OPCML: variants seen among roughly 807,000 people sequenced by gnomAD.
OPCML encodes opioid binding protein/cell adhesion molecule like.
Under a neutral mutation model 37.8 loss-of-function variants are expected in OPCML, and 13 were observed. The ratio of observed to expected loss-of-function variants is 0.34; its 90% CI spans 0.22 to 0.55. The LOEUF (loss-of-function observed/expected upper bound fraction) is 0.55. Ranked by LOEUF, OPCML falls within the 20% of genes least tolerant of loss-of-function variation. OPCML has a pLI of 0.91. For missense variants in OPCML, 341 were observed against 435.6 expected (o/e 0.78, Z 1.93); for synonymous variants, 176 against 168.8 (o/e 1.04, Z -0.33).
chr11:132,570,494 G>C (rs2096434634), intron 3 of OPCML, among the ~76,000 whole-genome samples: 1 of 151,866 alleles, frequency 6.6e-6, no homozygotes. Context: ...TAAATACCAT[G>C]AATGTAATTG....
chr11:132,679,956 A>C (rs2135848052), intron 2 of OPCML, among the ~76,000 whole-genome samples: 1 of 152,302 alleles, frequency 6.6e-6, no homozygotes, highest in East Asian at 1.9e-4. Flanking sequence ...TCAAAGAAGG[A>C]CTTTTTAGTA....
intron 2 of OPCML, among the ~76,000 whole-genome samples, chr11:132,875,651 A>T (rs937121989): frequency 3.9e-5 from 6 of 152,156 alleles, no homozygotes; most frequent in African/African-American, 1.4e-4. Context: ...TCTAGTAGAG[A>T]CAGGGTTTCT....
chr11:133,024,893 A>C, intron 1 of OPCML: 3 of 985,448 alleles, frequency 3.0e-6, no homozygotes, highest in Non-Finnish European at 3.6e-6. Flanking sequence ...AATAGAGTGC[A>C]TAAAGATTAT....
intron 7 of OPCML, among the ~76,000 whole-genome samples, chr11:132,429,133 T>C (rs570105284): frequency 6.6e-6 from 1 of 152,048 alleles, no homozygotes; most frequent in Non-Finnish European, 1.5e-5. Context: ...CCCAGCCTGG[T>C]GGATGCAGGG....
intron 4 of OPCML, among the ~76,000 whole-genome samples, chr11:132,509,057 G>A (rs779605094): frequency 2.6e-5 from 4 of 152,140 alleles, no homozygotes; most frequent in Admixed American, 6.5e-5. Context: ...TGAATAATAA[G>A]GTCCAGGCTG....
chr11:132,635,480 C>T (rs1431036737), intron 3 of OPCML, among the ~76,000 whole-genome samples: 1 of 151,220 alleles, frequency 6.6e-6, no homozygotes, highest in African/African-American at 2.4e-5. Flanking sequence ...CATTTTTTTC[C>T]CCAGTCTACC....
chr11:132,954,126 T>TTTTTTGTTTG (rs1555061172), intron 1 of OPCML, among the ~76,000 whole-genome samples: 1 of 151,036 alleles, frequency 6.6e-6, no homozygotes, highest in Non-Finnish European at 1.5e-5. Context: ...TTTCTTGGGT[T>TTTTTTGTTTG]TTTTGTTTGT....
intron 1 of OPCML, among the ~76,000 whole-genome samples, chr11:133,462,460 A>C (rs965447637): frequency 6.6e-6 from 1 of 152,126 alleles, no homozygotes; most frequent in Admixed American, 6.5e-5. Flanking sequence ...TAATATTCAG[A>C]ATATAGAAAG....
rs372551240 is a variant in OPCML at position 133,177,953 on chromosome 11, G to A, written c.62-234943C>T. Among the ~76,000 whole-genome samples, 6 of 152,306 alleles carry A rather than the reference G, an allele frequency of 3.9e-5. No homozygotes were observed. The East Asian group carries it at 5.8e-4, about 15-fold the overall frequency. Reference sequence around the variant, plus strand: ...CTTTTGAACCACACTGAATAAATGAGAGCTGGCAGGAGGCAATCCCAAGGT... The same window carrying A: ...CTTTTGAACCACACTGAATAAATGAAAGCTGGCAGGAGGCAATCCCAAGGT... On this transcript the variant is annotated intron_variant, in intron 1 of 7. Coordinates refer to ENST00000524381, the MANE Select transcript of OPCML (RefSeq NM_001012393.5). This position sits in a 1 kb window ranked among gnomAD's most constrained non-coding sequence, Gnocchi z 5.0.
intron 1 of OPCML, chr11:133,300,588 G>C (rs1343373687): frequency 6.6e-6 from 1 of 152,190 alleles, no homozygotes; most frequent in Non-Finnish European, 1.5e-5. Flanking sequence ...AATTTTAAAA[G>C]ATGGGAATCG....
chr11:133,323,507 C>T (rs1943381442), intron 1 of OPCML, among the ~76,000 whole-genome samples: 1 of 152,116 alleles, frequency 6.6e-6, no homozygotes, highest in Non-Finnish European at 1.5e-5. Context: ...CTGTCCTGAC[C>T]ACCAAGGAAG....
At chr11:133,295,865 T>G (rs759161525) in intron 1 of OPCML, among the ~76,000 whole-genome samples, 3 of 152,252 alleles carry the variant, frequency 2.0e-5, no homozygotes, top group African/African-American at 4.8e-5. Context: ...CATTTGCAAA[T>G]CACAGTCAAT....
intron 2 of OPCML, among the ~76,000 whole-genome samples, chr11:132,722,794 C>A (rs1022281904): frequency 6.6e-6 from 1 of 152,110 alleles, no homozygotes; most frequent in Non-Finnish European, 1.5e-5. Flanking sequence ...GGTCAGATCT[C>A]CCAGGCTGGC....
chr11:133,255,533 AG>A (rs1175875057), intron 1 of OPCML, among the ~76,000 whole-genome samples: 1 of 152,246 alleles, frequency 6.6e-6, no homozygotes, highest in Admixed American at 6.5e-5. Flanking sequence ...CAAAGCCAAA[AG>A]ACAAATAAAA....
At chr11:133,192,791 A>G (rs1029113367) in intron 1 of OPCML, among the ~76,000 whole-genome samples, 1 of 152,176 alleles carries the variant, frequency 6.6e-6, no homozygotes, top group African/African-American at 2.4e-5. Context: ...AATTCAAAAC[A>G]AATTTTAGTT....
Position 133,489,814 on chromosome 11 carries a change from ATGTG to A in OPCML, c.61+42446_61+42449del, listed in dbSNP as rs1046923653. On this transcript the variant is annotated intron_variant, in intron 1 of 7. Transcript: ENST00000524381. ...GTCCATCAACAGAGAAATGAGGAAA[ATGTG>A]TGTGTGTGTGTATATACATATATAT... Among the ~76,000 whole-genome samples the A allele has an allele frequency of 7.4e-5, 11 of 149,432 alleles. No homozygotes were observed. In the South Asian group the frequency reaches 2.3e-3, roughly 31 times the overall value.
At chr11:133,146,901 A>C (rs910483839) in intron 1 of OPCML, among the ~76,000 whole-genome samples, 1 of 152,208 alleles carries the variant, frequency 6.6e-6, no homozygotes, top group East Asian at 1.9e-4. Context: ...CACTTCTAAA[A>C]AGAGCTGTCC....
At chr11:132,531,491 G>A (rs778343110) in intron 3 of OPCML, among the ~76,000 whole-genome samples, 2 of 152,190 alleles carry the variant, frequency 1.3e-5, no homozygotes, top group Non-Finnish European at 1.5e-5. Flanking sequence ...TTGCAGCTTG[G>A]AGTTTTACGC....
intron 3 of OPCML, among the ~76,000 whole-genome samples, chr11:132,614,581 G>A (rs1429985899): frequency 6.6e-6 from 1 of 152,100 alleles, no homozygotes; most frequent in Non-Finnish European, 1.5e-5. Flanking sequence ...TGCTTATGTA[G>A]GACAAGGTCT....
Sources: gnomAD v4.1 joint callset for allele counts (sites outside exome capture counted in the v4.1 genomes callset) on GRCh38, gnomAD v4.1.1 for gene constraint, Gnocchi (gnomAD v3.1) non-coding constraint, MANE v1.5 for transcripts, NCBI Gene and HGNC (gene_info 2026-07-23, HGNC 2026-07-21) for gene names.